The following ARFGEF3 variants were observed in gnomAD, a reference collection of about 807,000 sequenced individuals.
ARFGEF3 encodes the protein brefeldin A-inhibited guanine nucleotide-exchange protein 3.
Under a neutral mutation model 221.7 loss-of-function variants are expected in ARFGEF3, and 96 were observed. The ratio of observed to expected loss-of-function variants is 0.43; its 90% CI spans 0.37 to 0.51. ARFGEF3 has a LOEUF of 0.51. Among genes scored for constraint, ARFGEF3 ranks in the 20% least tolerant of loss-of-function variants. The pLI is 0.00. For synonymous variants in ARFGEF3, 1,145 were observed against 1,126.8 expected, an observed-to-expected ratio of 1.02 and a Z score of -0.32; for missense variants, 2,410 against 2,789.9, an observed-to-expected ratio of 0.86 and a Z score of 3.07.
intron 25 of ARFGEF3, among the ~76,000 whole-genome samples, chr6:138,312,603 C>T (rs1417468636): frequency 6.6e-6 from 1 of 152,192 alleles, no homozygotes. Context: ...CTGGGACTCT[C>T]TCCCCAGATT....
At chr6:138,282,009 C>G (rs1483901586) in intron 14 of ARFGEF3, among the ~76,000 whole-genome samples, 1 of 152,170 alleles carries the variant, frequency 6.6e-6, no homozygotes, top group Non-Finnish European at 1.5e-5. Flanking sequence ...GGCTGGAGTA[C>G]AGTGGCGTGA....
chr6:138,275,127 T>A (rs899732594), intron 12 of ARFGEF3, among the ~76,000 whole-genome samples: 1 of 151,678 alleles, frequency 6.6e-6, no homozygotes, highest in Non-Finnish European at 1.5e-5. Context: ...AATAAATAAA[T>A]AAAATAAATT....
At position 138,255,725 on chromosome 6, in the gene ARFGEF3, C is replaced by G; in HGVS notation, c.1060C>G (p.Pro354Ala). The G allele has an allele frequency of 5.0e-6, 8 of 1,603,222 alleles. No homozygotes were observed. The highest frequency in any genetic ancestry group is 2.2e-5 in the East Asian group (1 of 44,552). ...CCTCTACCACCGAGTGCTGCTCTAC[C>G]CCCCACCCCAGCACCGGGTGGAAGC... is the stretch of plus-strand genomic sequence containing the variant. The part of the protein sequence containing the change: ...QSLYHRVLLY[P>A]PPQHRVEAIK... The change falls in exon 10 of 34, where the codon CCC (proline) becomes GCC (alanine). Residue 354 changes from proline to alanine, a missense_variant. Pro to Ala is a conservative substitution (Grantham distance 27). This residue lies in a region of ARFGEF3 where 570 missense variants were observed against 586.9 expected (regional missense o/e 0.97). Transcript: ENST00000251691.
At chr6:138,244,268 C>T (rs1333771089) in intron 7 of ARFGEF3, among the ~76,000 whole-genome samples, 1 of 152,238 alleles carries the variant, frequency 6.6e-6, no homozygotes, top group Non-Finnish European at 1.5e-5. Flanking sequence ...TCCAACCTTA[C>T]TTTCTCTCTT....
At chr6:138,164,003 G>T (rs988079600) in intron 1 of ARFGEF3, among the ~76,000 whole-genome samples, 1 of 152,092 alleles carries the variant, frequency 6.6e-6, no homozygotes, top group African/African-American at 2.4e-5. Flanking sequence ...CCTTCTTTCC[G>T]TCGCTTCTTT....
At chr6:138,287,229 T>TA (rs1368052489) in intron 17 of ARFGEF3, 45 bp downstream of exon 17, 2 of 1,400,924 alleles carry the variant, frequency 1.4e-6, no homozygotes, top group Admixed American at 3.9e-5. Context: ...TTGGGTGCAG[T>TA]ATGCACACAC....
chr6:138,278,942 G>A (rs1387522788), intron 13 of ARFGEF3, among the ~76,000 whole-genome samples: 2 of 152,122 alleles, frequency 1.3e-5, no homozygotes, highest in African/African-American at 2.4e-5. Context: ...TATAAAACCT[G>A]TTCAAAACCA....
intron 2 of ARFGEF3, among the ~76,000 whole-genome samples, chr6:138,202,310 A>G (rs1423130306): frequency 6.6e-6 from 1 of 152,170 alleles, no homozygotes; most frequent in African/African-American, 2.4e-5. Context: ...CATTTTCATT[A>G]TAAATTTCGT....
chr6:138,231,608 C>T (rs1203781825), intron 5 of ARFGEF3, among the ~76,000 whole-genome samples: 1 of 152,098 alleles, frequency 6.6e-6, no homozygotes, highest in Non-Finnish European at 1.5e-5. Flanking sequence ...AAATGTTTGC[C>T]ATTGCCACGT....
intron 14 of ARFGEF3, among the ~76,000 whole-genome samples, chr6:138,284,449 A>G (rs900855193): frequency 2.6e-5 from 4 of 152,168 alleles, no homozygotes; most frequent in African/African-American, 4.8e-5. Context: ...TACTTCCTTT[A>G]TACTGAGGAA....
At chr6:138,207,435 G>A (rs1022063044) in intron 3 of ARFGEF3, among the ~76,000 whole-genome samples, 4 of 152,026 alleles carry the variant, frequency 2.6e-5, no homozygotes, top group African/African-American at 4.8e-5. Context: ...AAAAAGAGAC[G>A]ACAAGTTCAT....
At chr6:138,242,477 G>A (rs982498827) in intron 6 of ARFGEF3, among the ~76,000 whole-genome samples, 1 of 152,174 alleles carries the variant, frequency 6.6e-6, no homozygotes, top group Non-Finnish European at 1.5e-5. Flanking sequence ...CTTTGGACCT[G>A]TATTTTGAAG....
chr6:138,216,553 A>C (rs1236695653), intron 4 of ARFGEF3: 2 of 152,130 alleles, frequency 1.3e-5, no homozygotes, highest in African/African-American at 4.8e-5. Flanking sequence ...TACACTTGGG[A>C]AGTTTCTTCA....
At position 138,319,766 on chromosome 6, in the gene ARFGEF3, G is replaced by A. The variant is rs181702528; in HGVS notation, c.4538G>A (p.Arg1513His). Residue 1513 changes from arginine (R) to histidine (H), a missense_variant, in exon 28 of 34, where the codon CGC becomes CAC. This residue lies in a region of ARFGEF3 where 723 missense variants were observed against 991.9 expected (regional missense o/e 0.73). Transcript: ENST00000251691. The stretch of plus-strand genomic sequence containing the variant: ...CTTCCTGTGATGTCCGTTTGGCTCC[G>A]CCGGAGCCATAAAGACCATTCCTAC... ...LLLPVMSVWL[R>H]RSHKDHSYWD... is the part of the protein sequence containing the mutation. 4.0e-5 allele frequency: 64 copies of A among 1,613,666 alleles called. No individual in the cohort carries two copies. The East Asian group carries it at 1.0e-3, about 26-fold the overall frequency.
At chr6:138,238,693 C>T (rs1562364110) in intron 6 of ARFGEF3, 62 bp downstream of exon 6, 13 of 1,565,368 alleles carry the variant, frequency 8.3e-6, no homozygotes, top group South Asian at 1.2e-5. Flanking sequence ...TCCCATGCCC[C>T]GGGGCCCCCA....
intron 32 of ARFGEF3, among the ~76,000 whole-genome samples, chr6:138,330,888 G>A (rs559184843): frequency 2.7e-4 from 40 of 145,532 alleles, no homozygotes; most frequent in African/African-American, 4.8e-4. Flanking sequence ...ATTCTAGCCC[G>A]TTTCCCTCAA....
chr6:138,263,721 G>A, intron 12 of ARFGEF3, 110 bp downstream of exon 12: 2 of 1,030,612 alleles, frequency 1.9e-6, no homozygotes, highest in Non-Finnish European at 2.8e-6. Flanking sequence ...GCATATTAAT[G>A]TATCTTTGGG....
rs746857899 is a variant in ARFGEF3 at position 138,209,981 on chromosome 6, A to C, written c.291A>C (p.Ile97=). Residue 97 remains isoleucine (I), a synonymous_variant, in exon 4 of 34, where the codon ATA becomes ATC. Coordinates refer to ENST00000251691, the MANE Select transcript of ARFGEF3 (RefSeq NM_020340.5). ...ATGAGAAGCAGCTGCTCAATCAGAT[A>C]CTGAATGCCGTGAAAGTGACGCCTT... is the stretch of plus-strand genomic sequence containing the variant. ...DSDEKQLLNQ[I]LNAVKVTPSL... is the part of the protein sequence containing the mutation. The C allele has an allele frequency of 8.7e-6, 14 of 1,613,760 alleles. No individual in the cohort carries two copies. The highest frequency in any genetic ancestry group is 1.3e-5 in the African/African-American group (1 of 74,922).
At chr6:138,266,848 C>CAAAAAAAAAAAAAAAAAAAAA (rs55638606) in intron 12 of ARFGEF3, among the ~76,000 whole-genome samples, 1 of 77,408 alleles carries the variant, frequency 1.3e-5, no homozygotes, top group African/African-American at 5.4e-5. Context: ...GACTCCATCT[C>CAAAAAAAAAAAAAAAAAAAAA]AAAAAAAAAA....
Sources: gnomAD v4.1 joint callset for allele counts (sites outside exome capture counted in the v4.1 genomes callset) on GRCh38, gnomAD v4.1.1 for gene constraint, gnomAD v4.1.1 regional missense constraint, MANE v1.5 for transcripts, NCBI Gene and HGNC (gene_info 2026-07-23, HGNC 2026-07-21) for gene names.